The following RFX1 variants were observed in gnomAD, a reference collection of about 807,000 sequenced individuals.
RFX1 encodes regulatory factor X1.
Under a neutral mutation model 119.6 loss-of-function variants are expected in RFX1, and 42 were observed. The ratio of observed to expected loss-of-function variants is 0.35; its 90% confidence interval spans 0.27 to 0.45. The LOEUF (loss-of-function observed/expected upper bound fraction) is 0.45. RFX1 is among the 20% of genes least tolerant of loss of function. The probability of loss-of-function intolerance (pLI) is 1.00; values close to 1 mark genes in which losing one functional copy is unlikely to be tolerated. For synonymous variants in RFX1, 628 were observed against 618.5 expected (o/e 1.02, Z -0.23); for missense variants, 1,118 against 1,368.1 (o/e 0.82, Z 2.88).
At chr19:13,997,921 T>A (rs1243606564) in intron 1 of RFX1, among the ~76,000 whole-genome samples, 3 of 151,916 alleles carry the variant, frequency 2.0e-5, no homozygotes, top group Admixed American at 2.0e-4. Context: ...AAGACCATCC[T>A]CCTCCAGCCC....
intron 20 of RFX1, 23 bp from the exon 21 acceptor site, chr19:13,962,887 G>T (rs1186793861): frequency 6.5e-7 from 1 of 1,533,498 alleles, no homozygotes; most frequent in Non-Finnish European, 8.8e-7. Flanking sequence ...GACCAAGTCC[G>T]GCTCGGGGCG....
rs188439403 is a variant in RFX1 at position 13,974,256 on chromosome 19, C to T, written c.930-1129G>A. ...TGTGATTGGAAGGGACTAGAGAAGG[C>T]GACGCTGTGATTGGAGAAGACCATC... On this transcript the variant is annotated intron_variant, in intron 8 of 20. Transcript: ENST00000254325. Among the ~76,000 whole-genome samples, 69 of 152,196 alleles carry T rather than the reference C, an allele frequency of 4.5e-4. No individual in the cohort carries two copies. In the East Asian group the frequency reaches 0.012, roughly 26 times the overall value.
At chr19:13,981,334 G>A (rs578227508) in intron 5 of RFX1, among the ~76,000 whole-genome samples, 1 of 152,308 alleles carries the variant, frequency 6.6e-6, no homozygotes, top group South Asian at 2.1e-4. Context: ...GGTGGCTCAC[G>A]CCTGTAATCC....
In RFX1 at chr19:13,968,984, G is replaced by T; in HGVS notation, c.1497-90C>A. On this transcript the variant is annotated intron_variant, in intron 10 of 20. Transcript: ENST00000254325. The surrounding 1 kb of genome is among the most constrained non-coding windows in gnomAD (Gnocchi z 5.5). ...CTCACAGCACACCCGTCTCCTCTCT[G>T]TTAGGAGAATGGATAGAGAGACGCC... 7.1e-7 allele frequency: 1 copy of T among 1,414,900 alleles called. No individual in the cohort carries two copies. Among genetic ancestry groups the T allele is most frequent in the Non-Finnish European group, 9.5e-7 (1 of 1,050,278 alleles). The allele number at this position is 1,414,900 out of a possible 1,614,324, so 87.6% of individuals were successfully genotyped here. A position where few individuals can be genotyped will look rare whatever the true frequency, so the allele number is the denominator to read the frequency against.
chr19:13,963,993 G>A lies in RFX1; in HGVS notation c.2226C>T (p.Gly742=). 1 of 1,534,242 alleles carries A rather than the reference G, an allele frequency of 6.5e-7. No homozygotes were observed. The highest frequency in any genetic ancestry group is 8.7e-7 in the Non-Finnish European group (1 of 1,146,032). The change falls in exon 17 of 21, where the codon GGC becomes GGT. Residue 742 remains glycine (G), a synonymous_variant. Coordinates refer to ENST00000254325, the MANE Select transcript of RFX1 (RefSeq NM_002918.5). ...AGCGCCGCAGTGTCTGCGCGAAGGCGCCAGCCGCGGCCACCTGCGTGCAGG... is the reference window on the plus strand; with the variant it reads ...AGCGCCGCAGTGTCTGCGCGAAGGCACCAGCCGCGGCCACCTGCGTGCAGG... ...EMLRVKVAAA[G]AFAQTLRRYT... is the part of the protein sequence containing the mutation.
At position 13,969,554 on chromosome 19, in the gene RFX1, G is replaced by A. The variant is rs558228734; in HGVS notation, c.1496+440C>T. ...ATGCTTGTAGTCCCAAGCTACTCAA[G>A]AGGCTGAGGCATGAGAATGGCTTGA... On this transcript the variant is annotated intron_variant, in intron 10 of 20. Coordinates refer to ENST00000254325, the MANE Select transcript of RFX1 (RefSeq NM_002918.5). This position sits in a 1 kb window ranked among gnomAD's most constrained non-coding sequence, Gnocchi z 4.5. 314 of 162,430 alleles carry A rather than the reference G, an allele frequency of 1.9e-3. No homozygotes were observed. The highest frequency in any genetic ancestry group is 7.2e-3 in the African/African-American group (300 of 41,704). The allele number at this position is 162,430 out of a possible 1,614,324, so 10.1% of individuals were successfully genotyped here.
intron 2 of RFX1, among the ~76,000 whole-genome samples, chr19:13,989,790 C>G (rs1309455667): frequency 6.6e-6 from 1 of 151,994 alleles, no homozygotes; most frequent in Non-Finnish European, 1.5e-5. Flanking sequence ...CCTGCTCCCT[C>G]TGGCTGCTGG....
At position 13,983,193 on chromosome 19, in the gene RFX1, G is replaced by C; in HGVS notation, c.507C>G (p.Pro169=). The change falls in exon 4 of 21, where the codon CCC becomes CCG. Residue 169 remains proline, a synonymous_variant. Transcript: ENST00000254325. The part of the protein sequence containing the change: ...SPLQLTNIQV[P]QQALPTQRLV... ...CCAGGTGCAGCAGCATTACCTGCTG[G>C]GGCACTTGGATGTTGGTCAGCTGGA... 1 of 1,571,522 alleles carries C rather than the reference G, an allele frequency of 6.4e-7. No individual in the cohort carries two copies. Among genetic ancestry groups the C allele is most frequent in the South Asian group, 1.2e-5 (1 of 86,024 alleles).
intron 16 of RFX1, among the ~76,000 whole-genome samples, chr19:13,964,363 G>A (rs941091521): frequency 3.3e-5 from 5 of 150,932 alleles, no homozygotes; most frequent in Non-Finnish European, 4.4e-5. Context: ...AATGTTGGGA[G>A]TGAGCCACCG....
At chr19:14,005,825 CGCTCCCGACATATAAAA>C (rs1269927011) in intron 1 of RFX1, among the ~76,000 whole-genome samples, 1 of 151,574 alleles carries the variant, frequency 6.6e-6, no homozygotes, top group Non-Finnish European at 1.5e-5. Context: ...CGCCCCTTCG[CGCTCCCGACATATAAAA>C]GCCCCCCGCC....
intron 8 of RFX1, among the ~76,000 whole-genome samples, chr19:13,975,986 G>T (rs1200082041): frequency 6.6e-6 from 1 of 152,222 alleles, no homozygotes; most frequent in Non-Finnish European, 1.5e-5. Flanking sequence ...CACTGAGAGA[G>T]GAATTCAGAC....
chr19:13,977,185 C>T (rs1974275813), intron 8 of RFX1, among the ~76,000 whole-genome samples: 1 of 151,436 alleles, frequency 6.6e-6, no homozygotes, highest in South Asian at 2.1e-4. Context: ...ATCCCAGCTA[C>T]CCGGGAGGCT....
intron 1 of RFX1, among the ~76,000 whole-genome samples, chr19:14,000,885 A>G (rs1975194018): frequency 6.6e-6 from 1 of 152,112 alleles, no homozygotes; most frequent in African/African-American, 2.4e-5. Context: ...GCTTGAGGCC[A>G]GAAGTTTGAG....
At position 13,963,960 on chromosome 19, in the gene RFX1, C is replaced by T. The variant is rs1245316657; in HGVS notation, c.2259G>A (p.Ser753=). ...AFAQTLRRYT[S]LNHLAQAARA... is the part of the protein sequence containing the mutation. Reference sequence around the variant, plus strand: ...GCGCCGCCTGCGCCAGGTGGTTGAGCGACGTGTAGCGCCGCAGTGTCTGCG... The same window carrying T: ...GCGCCGCCTGCGCCAGGTGGTTGAGTGACGTGTAGCGCCGCAGTGTCTGCG... The change falls in exon 17 of 21, where the codon TCG becomes TCA. Residue 753 remains serine (S), a synonymous_variant. Transcript: ENST00000254325. 1.9e-6 allele frequency: 3 copies of T among 1,541,754 alleles called. No homozygotes were observed. Among genetic ancestry groups the T allele is most frequent in the East Asian group, 2.4e-5 (1 of 41,010 alleles).
In RFX1 at chr19:13,990,520, A is replaced by G. The variant is rs1974765181; in HGVS notation, c.319+3005T>C. ...ACATAGTGAGACTCTGTCTCTACAA[A>G]AAAATTAAAAGATTAGGCCGGGCGC... On this transcript the variant is annotated intron_variant, in intron 2 of 20. Transcript: ENST00000254325. This position sits in a 1 kb window ranked among gnomAD's most constrained non-coding sequence, Gnocchi z 4.1. Among the ~76,000 whole-genome samples, 1 of 151,360 alleles carries G rather than the reference A, an allele frequency of 6.6e-6. No individual in the cohort carries two copies. Among genetic ancestry groups the G allele is most frequent in the African/African-American group, 2.4e-5 (1 of 41,144 alleles).
intron 8 of RFX1, among the ~76,000 whole-genome samples, chr19:13,976,927 C>G (rs1317840395): frequency 2.6e-5 from 4 of 151,748 alleles, no homozygotes; most frequent in Non-Finnish European, 5.9e-5. Context: ...TGCTTGAGCC[C>G]GTGAGCTGCA....
At position 13,965,756 on chromosome 19, in the gene RFX1, T is replaced by C; in HGVS notation, c.1983A>G (p.Arg661=). 6.2e-7 allele frequency: 1 copy of C among 1,613,732 alleles called. No homozygotes were observed. Among genetic ancestry groups the C allele is most frequent in the Non-Finnish European group, 8.5e-7 (1 of 1,179,948 alleles). The change falls in exon 15 of 21, where the codon CGA becomes CGG. Residue 661 remains arginine, a synonymous_variant. Transcript: ENST00000254325. The surrounding 1 kb of genome is among the most constrained non-coding windows in gnomAD (Gnocchi z 4.7). The part of the protein sequence containing the change: ...PLAVHDEAEK[R]LPKAILVLLS... ...GGAGCACCAGGATGGCTTTGGGCAG[T>C]CGCTTCTCGGCCTCGTCATGTCTGC... is the stretch of plus-strand genomic sequence containing the variant.
rs985059962 is a variant in RFX1, at chr19:13,963,954, G to T, written c.2265C>A (p.Asn755Lys). 6.5e-7 allele frequency: 1 copy of T among 1,543,288 alleles called. No individual in the cohort carries two copies. Among genetic ancestry groups the T allele is most frequent in the Non-Finnish European group, 8.7e-7 (1 of 1,147,370 alleles). Residue 755 changes from asparagine (N) to lysine (K), a missense_variant, in exon 17 of 21, where the codon AAC becomes AAA. Asn to Lys is a moderately conservative substitution (Grantham distance 94). Around this residue, in one of 5 missense-constraint regions of RFX1, gnomAD observed 338 missense variants for 508.9 expected, o/e 0.66. Transcript: ENST00000254325. Reference protein sequence around the residue: ...AQTLRRYTSLNHLAQAARAVL... With the variant: ...AQTLRRYTSLKHLAQAARAVL... ...CAGCGCGCGCCGCCTGCGCCAGGTG[G>T]TTGAGCGACGTGTAGCGCCGCAGTG...
At chr19:13,999,627 C>T (rs1005596912) in intron 1 of RFX1, among the ~76,000 whole-genome samples, 8 of 151,276 alleles carry the variant, frequency 5.3e-5, no homozygotes, top group African/African-American at 1.9e-4. Context: ...AGCTCACCAG[C>T]CAAAAACAGG....
Sources: allele counts gnomAD v4.1 joint callset (sites outside exome capture counted in the v4.1 genomes callset), GRCh38; gene constraint gnomAD v4.1.1; regional missense constraint gnomAD v4.1.1; non-coding constraint Gnocchi (gnomAD v3.1); transcripts MANE v1.5; gene names NCBI Gene and HGNC (gene_info 2026-07-23, HGNC 2026-07-21).